The following BBS9 variants were observed in gnomAD, a reference collection of about 807,000 sequenced individuals.
BBS9 encodes protein PTHB1.
In BBS9, 89 loss-of-function variants were observed where a neutral mutation model predicts 117.7. That is an observed-to-expected ratio of 0.76 (90% CI 0.64 to 0.90). The LOEUF (loss-of-function observed/expected upper bound fraction) is 0.90, where lower values mean the gene tolerates loss of function less well. Among genes scored for constraint, BBS9 ranks in the 40% least tolerant of loss-of-function variants. BBS9 has a pLI of 0.00. For missense variants in BBS9, 982 were observed against 1,042.2 expected, an observed-to-expected ratio of 0.94 and a Z score of 0.80; for synonymous variants, 379 against 370.9, an observed-to-expected ratio of 1.02 and a Z score of -0.25.
chr7:33,177,848 T>G (rs1327562485), intron 5 of BBS9: 1 of 391,932 alleles, frequency 2.6e-6, no homozygotes, highest in Non-Finnish European at 4.6e-6. Flanking sequence ...CCAATCAAAA[T>G]AATAAAAAAA....
rs1300579613 is a variant in BBS9 at position 33,290,761 on chromosome 7, A to C, written c.1016+16805A>C. Among the ~76,000 whole-genome samples the C allele has an allele frequency of 4.6e-5, 7 of 152,226 alleles. No individual in the cohort carries two copies. The East Asian group carries it at 1.2e-3, about 25-fold the overall frequency. On this transcript the variant is annotated intron_variant, in intron 9 of 22. Transcript: ENST00000242067. ...TGGTATAGAAATTTTTTTATGACTT[A>C]GAATTAAACATAGAGATTTCTTTAT... is the stretch of plus-strand genomic sequence containing the variant.
Position 33,581,072 on chromosome 7 carries a change from ATT to A in BBS9, c.2522-23789_2522-23788del, listed in dbSNP as rs1212264006. 1.2e-3 allele frequency among the ~76,000 whole-genome samples: 177 copies of A among 143,446 alleles called. 1 individual carries two copies. The highest frequency in any genetic ancestry group is 2.0e-3 in the Non-Finnish European group (137 of 66,958). The allele number at this position is 143,446 out of a possible 152,430, so 94.1% of individuals were successfully genotyped here. A position where few individuals can be genotyped will look rare whatever the true frequency, so the allele number is the denominator to read the frequency against. On this transcript the variant is annotated intron_variant, in intron 21 of 22. Coordinates refer to ENST00000242067, the MANE Select transcript of BBS9 (RefSeq NM_198428.3). The stretch of plus-strand genomic sequence containing the variant: ...ACCGAAAGGTGTGTATTTTGTGTGT[ATT>A]TTTGTGTGTGTGTGTGTGTGTGAGA...
At chr7:33,319,812 G>A (rs1468750565) in intron 9 of BBS9, among the ~76,000 whole-genome samples, 1 of 152,078 alleles carries the variant, frequency 6.6e-6, no homozygotes, top group Non-Finnish European at 1.5e-5. Flanking sequence ...CCATGTATCT[G>A]ACAAAGGACT....
At chr7:33,295,003 T>G (rs1804962655) in intron 9 of BBS9, among the ~76,000 whole-genome samples, 1 of 152,176 alleles carries the variant, frequency 6.6e-6, no homozygotes, top group African/African-American at 2.4e-5. Flanking sequence ...AATCTTTTAT[T>G]TAGGCATTTT....
At chr7:33,568,046 G>T (rs553323622) in intron 21 of BBS9, among the ~76,000 whole-genome samples, 48 of 152,210 alleles carry the variant, frequency 3.2e-4, no homozygotes, top group Middle Eastern at 6.8e-3. Flanking sequence ...CACATAGAAA[G>T]AACTTCCTTG....
At chr7:33,473,784 A>G (rs1444045739) in intron 19 of BBS9, among the ~76,000 whole-genome samples, 1 of 152,132 alleles carries the variant, frequency 6.6e-6, no homozygotes, top group Non-Finnish European at 1.5e-5. Context: ...ACAAACTTCT[A>G]TGCTATGTTT....
intron 19 of BBS9, among the ~76,000 whole-genome samples, chr7:33,429,370 G>T (rs1401502492): frequency 2.0e-5 from 3 of 149,676 alleles, no homozygotes; most frequent in Non-Finnish European, 4.4e-5. Context: ...TGCCTACCAT[G>T]ATTTGCTTTG....
intron 17 of BBS9, among the ~76,000 whole-genome samples, chr7:33,374,882 CA>C (rs1823545570): frequency 9.5e-6 from 1 of 105,666 alleles, no homozygotes. Flanking sequence ...GCCTGGGCGA[CA>C]AGAGTGAAAC....
At chr7:33,315,860 T>A (rs1393364470) in intron 9 of BBS9, among the ~76,000 whole-genome samples, 1 of 152,202 alleles carries the variant, frequency 6.6e-6, no homozygotes, top group East Asian at 1.9e-4. Context: ...GTAAATAGTA[T>A]AATAAACTCC....
chr7:33,165,782 C>T (rs1795585223), intron 4 of BBS9, among the ~76,000 whole-genome samples: 1 of 152,096 alleles, frequency 6.6e-6, no homozygotes, highest in Non-Finnish European at 1.5e-5. Context: ...GTTCGAACAT[C>T]CTCCTTTAGC....
At chr7:33,591,610 AT>A (rs1350926967) in intron 21 of BBS9, among the ~76,000 whole-genome samples, 1 of 151,962 alleles carries the variant, frequency 6.6e-6, no homozygotes, top group Non-Finnish European at 1.5e-5. Context: ...ATTTAAATAC[AT>A]TGCTCTATTT....
intron 21 of BBS9, among the ~76,000 whole-genome samples, chr7:33,595,561 A>C (rs1404445932): frequency 6.6e-6 from 1 of 152,208 alleles, no homozygotes; most frequent in East Asian, 1.9e-4. Context: ...CTGTGGAGAA[A>C]TAGGAACACT....
At chr7:33,387,198 T>C (rs1308623833) in intron 18 of BBS9, among the ~76,000 whole-genome samples, 2 of 152,172 alleles carry the variant, frequency 1.3e-5, no homozygotes, top group African/African-American at 4.8e-5. Context: ...TATCCTGATA[T>C]ATACATTACT....
chr7:33,312,279 T>A (rs189496479), intron 9 of BBS9, among the ~76,000 whole-genome samples: 142 of 152,334 alleles, frequency 9.3e-4, no homozygotes, highest in African/African-American at 3.4e-3. Flanking sequence ...CGTCTTGTGT[T>A]AGCTAGAGCG....
intron 21 of BBS9, among the ~76,000 whole-genome samples, chr7:33,627,590 G>A (rs1179469186): frequency 6.6e-6 from 1 of 152,226 alleles, no homozygotes; most frequent in African/African-American, 2.4e-5. Context: ...AAGCAGCCAA[G>A]GGGGCTGTAC....
chr7:33,520,112 G>C (rs569434051), intron 20 of BBS9, among the ~76,000 whole-genome samples: 9 of 151,678 alleles, frequency 5.9e-5, no homozygotes, highest in African/African-American at 2.2e-4. Flanking sequence ...GGGTTTAAGC[G>C]ATTCTCCTGC....
intron 16 of BBS9, 105 bp downstream of exon 16, chr7:33,358,100 A>C (rs1819970374): frequency 7.0e-7 from 1 of 1,425,532 alleles, no homozygotes; most frequent in Admixed American, 1.8e-5. Context: ...GATAATTGTT[A>C]AGTAAGAGTA....
chr7:33,399,158 C>T (rs547351923), intron 19 of BBS9, among the ~76,000 whole-genome samples: 5 of 152,116 alleles, frequency 3.3e-5, no homozygotes, highest in South Asian at 2.1e-4. Context: ...TAGATAGTGC[C>T]GTACCAGGCA....
chr7:33,313,915 T>C (rs1467314540), intron 9 of BBS9, among the ~76,000 whole-genome samples: 1 of 152,208 alleles, frequency 6.6e-6, no homozygotes, highest in Non-Finnish European at 1.5e-5. Context: ...TACCTCAGTA[T>C]AAATCAGGAA....
Sources: allele counts gnomAD v4.1 joint callset (sites outside exome capture counted in the v4.1 genomes callset), GRCh38; gene constraint gnomAD v4.1.1; transcripts MANE v1.5; gene names NCBI Gene and HGNC (gene_info 2026-07-23, HGNC 2026-07-21).